The following EEIG2 variants were observed in gnomAD, a reference collection of about 807,000 sequenced individuals.
EEIG2 encodes the protein family with sequence similarity 102 member B.
chr1:108,603,021 T>C, the EEIG2 span, among the ~76,000 whole-genome samples: 2 of 152,170 alleles, frequency 1.3e-5, no homozygotes, highest in Non-Finnish European at 2.9e-5. Context: ...TTTTAATACT[T>C]CTGATATTAA....
the EEIG2 span, among the ~76,000 whole-genome samples, chr1:108,570,006 C>T: frequency 6.6e-6 from 1 of 152,186 alleles, no homozygotes; most frequent in African/African-American, 2.4e-5. Context: ...TCAATTCTTA[C>T]AGTTCTTGTT....
chr1:108,593,719 A>G, the EEIG2 span, among the ~76,000 whole-genome samples: 1 of 152,204 alleles, frequency 6.6e-6, no homozygotes, highest in East Asian at 1.9e-4. Context: ...AGAGGCTAGG[A>G]CTACTAGGTG....
chr1:108,599,481 G>A, the EEIG2 span, among the ~76,000 whole-genome samples: 1 of 151,962 alleles, frequency 6.6e-6, no homozygotes, highest in Non-Finnish European at 1.5e-5. Context: ...CTTTTTCTAA[G>A]GCTGAGCACC....
the EEIG2 span, among the ~76,000 whole-genome samples, chr1:108,619,785 G>T: frequency 1.3e-5 from 2 of 152,202 alleles, no homozygotes; most frequent in Admixed American, 1.3e-4. Context: ...AGCTACTCAG[G>T]AGTCTGAGGT....
At chr1:108,560,555 G>C in the EEIG2 span, 1 of 1,610,538 alleles carries the variant, frequency 6.2e-7, no homozygotes, top group South Asian at 1.1e-5. Flanking sequence ...CTTCACCGCC[G>C]AGTCCTCCAG....
chr1:108,560,336 C>T, the EEIG2 span: 1 of 1,033,382 alleles, frequency 9.7e-7, no homozygotes, highest in Non-Finnish European at 1.2e-6. Context: ...AGCTCGCGGC[C>T]CCGGCCATGG....
the EEIG2 span, among the ~76,000 whole-genome samples, chr1:108,579,365 G>A: frequency 0.13 from 17,971 of 133,522 alleles, 1,860 homozygotes; most frequent in African/African-American, 0.29. Flanking sequence ...AATGGTAAAC[G>A]GATCAATTCA....
the EEIG2 span, among the ~76,000 whole-genome samples, chr1:108,563,425 G>T: frequency 6.6e-6 from 1 of 152,126 alleles, no homozygotes; most frequent in African/African-American, 2.4e-5. Flanking sequence ...CCATGAGTAG[G>T]ACTGTATGCT....
the EEIG2 span, among the ~76,000 whole-genome samples, chr1:108,575,964 GAT>G: frequency 6.6e-6 from 1 of 152,152 alleles, no homozygotes; most frequent in African/African-American, 2.4e-5. Context: ...TGAATGATAT[GAT>G]ATGTGAATTA....
At chr1:108,590,983 C>T in the EEIG2 span, among the ~76,000 whole-genome samples, 2 of 152,188 alleles carry the variant, frequency 1.3e-5, no homozygotes, top group Non-Finnish European at 2.9e-5. Flanking sequence ...AACATTTCTT[C>T]TGAGTCCTCT....
At chr1:108,580,925 A>C in the EEIG2 span, among the ~76,000 whole-genome samples, 2 of 152,302 alleles carry the variant, frequency 1.3e-5, no homozygotes, top group Admixed American at 1.3e-4. Context: ...CAGATTTTCA[A>C]TGTAGACAAA....
At chr1:108,616,293 C>T in the EEIG2 span, 1 of 841,264 alleles carries the variant, frequency 1.2e-6, no homozygotes, top group East Asian at 2.6e-5. Flanking sequence ...TTATTTAATG[C>T]TTTCCCAATA....
the EEIG2 span, among the ~76,000 whole-genome samples, chr1:108,592,669 T>C: frequency 6.6e-6 from 1 of 152,244 alleles, no homozygotes; most frequent in Non-Finnish European, 1.5e-5. Context: ...GGTTCCAGTG[T>C]ATTTCGTCTG....
the EEIG2 span, among the ~76,000 whole-genome samples, chr1:108,613,012 A>G: frequency 6.6e-6 from 1 of 152,178 alleles, no homozygotes; most frequent in Non-Finnish European, 1.5e-5. Context: ...TTTTTGCAGC[A>G]AATCTTAAGC....
At chr1:108,633,554 G>C in the EEIG2 span, among the ~76,000 whole-genome samples, 1 of 152,184 alleles carries the variant, frequency 6.6e-6, no homozygotes, top group African/African-American at 2.4e-5. Flanking sequence ...GCACCTGCCT[G>C]CTTTCCTTTA....
the EEIG2 span, among the ~76,000 whole-genome samples, chr1:108,569,605 G>A: frequency 3.3e-5 from 5 of 152,208 alleles, no homozygotes; most frequent in Admixed American, 6.5e-5. Context: ...TTACAGGTGT[G>A]AGTCACTGTA....
chr1:108,560,328 C>G, the EEIG2 span: 14 of 973,288 alleles, frequency 1.4e-5, no homozygotes, highest in Admixed American at 7.8e-4. Flanking sequence ...CCGCGCACAG[C>G]TCGCGGCCCC....
the EEIG2 span, among the ~76,000 whole-genome samples, chr1:108,605,647 TC>T: frequency 6.6e-6 from 1 of 152,134 alleles, no homozygotes; most frequent in Admixed American, 6.5e-5. Flanking sequence ...TGAAAACAAA[TC>T]TAAAGATTTG....
the EEIG2 span, among the ~76,000 whole-genome samples, chr1:108,615,974 C>T: frequency 6.6e-6 from 1 of 152,080 alleles, no homozygotes; most frequent in Non-Finnish European, 1.5e-5. Flanking sequence ...AGCACAGCCA[C>T]ACACCCACAG....
Sources: gnomAD v4.1 joint callset for allele counts (sites outside exome capture counted in the v4.1 genomes callset) on GRCh38, gnomAD v4.1.1 for gene constraint, MANE v1.5 for transcripts, NCBI Gene and HGNC (gene_info 2026-07-23, HGNC 2026-07-21) for gene names.